FOXP1: variants seen among roughly 807,000 people sequenced by gnomAD.
The protein encoded by FOXP1 is forkhead box P1.
Under a neutral mutation model 98.2 loss-of-function variants are expected in FOXP1, and 15 were observed. The observed-to-expected ratio is 0.15, with a 90% CI of 0.10 to 0.24. FOXP1 has a LOEUF of 0.24. FOXP1 is among the 10% of genes least tolerant of loss of function. The pLI is 1.00. For synonymous variants in FOXP1, 371 were observed against 314.5 expected (o/e 1.18, Z -1.90); for missense variants, 633 against 848.5 (o/e 0.75, Z 3.15).
At chr3:70,971,690 C>A in intron 18 of FOXP1, 1 of 225,554 alleles carries the variant, frequency 4.4e-6, no homozygotes, top group Non-Finnish European at 8.5e-6. Context: ...TTTAACTAAC[C>A]AAAAATTCCC....
chr3:71,542,709 G>A (rs1003723144), intron 2 of FOXP1, among the ~76,000 whole-genome samples: 4 of 152,198 alleles, frequency 2.6e-5, no homozygotes, highest in East Asian at 1.9e-4. Context: ...GCAGGCAGGC[G>A]CAGGCTGGGC....
At chr3:71,483,077 C>T (rs1483779093) in intron 3 of FOXP1, among the ~76,000 whole-genome samples, 1 of 151,608 alleles carries the variant, frequency 6.6e-6, no homozygotes, top group Non-Finnish European at 1.5e-5. Context: ...TGAGCTCAAG[C>T]AATCCACCCA....
chr3:70,973,970 T>C (rs1575771259), intron 17 of FOXP1, among the ~76,000 whole-genome samples: 1 of 151,896 alleles, frequency 6.6e-6, no homozygotes, highest in South Asian at 2.1e-4. Context: ...TTGGTGGCTG[T>C]GAGGATTCAA....
chr3:71,412,694 TC>T (rs879566790), intron 3 of FOXP1, among the ~76,000 whole-genome samples: 2 of 152,122 alleles, frequency 1.3e-5, no homozygotes, highest in Non-Finnish European at 2.9e-5. Flanking sequence ...CAGGTTGTAG[TC>T]CCAAGAAACA....
At chr3:71,249,847 A>G (rs972204985) in intron 5 of FOXP1, among the ~76,000 whole-genome samples, 1 of 152,342 alleles carries the variant, frequency 6.6e-6, no homozygotes, top group Non-Finnish European at 1.5e-5. Flanking sequence ...CAGCAGCATC[A>G]GTGTCAACCA....
intron 3 of FOXP1, among the ~76,000 whole-genome samples, chr3:71,469,636 T>C (rs1333070638): frequency 6.6e-6 from 1 of 152,230 alleles, no homozygotes; most frequent in Non-Finnish European, 1.5e-5. Flanking sequence ...TTATGAAATC[T>C]TAGCTGGGCT....
intron 6 of FOXP1, among the ~76,000 whole-genome samples, chr3:71,143,287 G>C (rs2060157350): frequency 6.6e-6 from 1 of 152,176 alleles, no homozygotes; most frequent in African/African-American, 2.4e-5. Flanking sequence ...CTAGAAAAGA[G>C]AAGAAGCATT....
intron 7 of FOXP1, among the ~76,000 whole-genome samples, chr3:71,077,348 G>A (rs1207446144): frequency 6.6e-6 from 1 of 152,162 alleles, no homozygotes; most frequent in Non-Finnish European, 1.5e-5. Flanking sequence ...AGTGAAGGTA[G>A]CTCTTGTTAA....
In FOXP1 at chr3:71,326,089, A is replaced by G. The variant is rs1426243620; in HGVS notation, c.-72-26209T>C. Among the ~76,000 whole-genome samples, 7 of 152,278 alleles carry G rather than the reference A, an allele frequency of 4.6e-5. No homozygotes were observed. In the South Asian group the frequency reaches 8.3e-4, roughly 18 times the overall value. On this transcript the variant is annotated intron_variant, in intron 4 of 20. Coordinates refer to ENST00000649528, the MANE Select transcript of FOXP1 (RefSeq NM_001349338.3). ...TTCAAGTAGAAAAAAAAAGCCACCA[A>G]ATTTCTCTTTTCGTTATACCATTTT... is the stretch of plus-strand genomic sequence containing the variant.
chr3:71,395,077 G>T (rs1462132732), intron 3 of FOXP1, among the ~76,000 whole-genome samples: 1 of 134,036 alleles, frequency 7.5e-6, no homozygotes, highest in African/African-American at 2.8e-5. Flanking sequence ...TCCAGCCTGG[G>T]CAACAAGAGT....
At chr3:71,059,972 G>C (rs1340461825) in intron 7 of FOXP1, among the ~76,000 whole-genome samples, 1 of 152,090 alleles carries the variant, frequency 6.6e-6, no homozygotes, top group Non-Finnish European at 1.5e-5. Context: ...TACAGTTTTA[G>C]ATCAACAGTT....
intron 2 of FOXP1, among the ~76,000 whole-genome samples, chr3:71,520,005 T>C (rs1213283161): frequency 3.3e-5 from 5 of 152,156 alleles, no homozygotes; most frequent in African/African-American, 1.2e-4. Context: ...GACCAGACAA[T>C]CTTTGGATTA....
At chr3:71,487,176 A>C (rs1345916270) in intron 3 of FOXP1, among the ~76,000 whole-genome samples, 1 of 152,134 alleles carries the variant, frequency 6.6e-6, no homozygotes, top group Non-Finnish European at 1.5e-5. Flanking sequence ...AAACACTACA[A>C]AACTATAATA....
chr3:71,238,707 T>G (rs1350513212), intron 5 of FOXP1, among the ~76,000 whole-genome samples: 1 of 152,060 alleles, frequency 6.6e-6, no homozygotes, highest in African/African-American at 2.4e-5. Context: ...TAACCAAGAG[T>G]GACTATTATC....
chr3:71,060,670 A>G (rs528766270), intron 7 of FOXP1, among the ~76,000 whole-genome samples: 4 of 152,300 alleles, frequency 2.6e-5, no homozygotes, highest in Admixed American at 1.3e-4. Context: ...CAAGACATCA[A>G]ATAGAATTGG....
chr3:70,994,038 GA>G (rs897216739), intron 13 of FOXP1, among the ~76,000 whole-genome samples: 5 of 108,804 alleles, frequency 4.6e-5, no homozygotes, highest in African/African-American at 1.1e-4. Flanking sequence ...AAAAGAAAAA[GA>G]AAAAAAAGTG....
intron 11 of FOXP1, among the ~76,000 whole-genome samples, chr3:71,032,783 C>G (rs573136445): frequency 2.6e-5 from 4 of 152,168 alleles, no homozygotes; most frequent in African/African-American, 4.8e-5. Context: ...ATAGGTCCCC[C>G]CTTCATCTGG....
chr3:71,240,390 G>A (rs1332440377), intron 5 of FOXP1, among the ~76,000 whole-genome samples: 3 of 152,218 alleles, frequency 2.0e-5, no homozygotes, highest in Non-Finnish European at 4.4e-5. Flanking sequence ...GGGTAGCAGC[G>A]ATGGGCCTAC....
intron 11 of FOXP1, among the ~76,000 whole-genome samples, chr3:71,024,775 T>C (rs1311408171): frequency 1.3e-5 from 2 of 152,238 alleles, no homozygotes; most frequent in African/African-American, 4.8e-5. Context: ...TTATCTGCTC[T>C]CAATATTGTG....
Sources: gnomAD v4.1 joint callset for allele counts (sites outside exome capture counted in the v4.1 genomes callset) on GRCh38, gnomAD v4.1.1 for gene constraint, MANE v1.5 for transcripts, NCBI Gene and HGNC (gene_info 2026-07-23, HGNC 2026-07-21) for gene names.